MYLK3: variants seen among roughly 807,000 people sequenced by gnomAD.
The protein encoded by MYLK3 is MLC kinase.
MYLK3 carries 55 observed loss-of-function variants against 76.3 expected under a neutral mutation model. The observed-to-expected ratio is 0.72, with a 90% CI of 0.58 to 0.90. MYLK3 has a LOEUF of 0.90. Ranked by LOEUF, MYLK3 falls within the 40% of genes least tolerant of loss-of-function variation. The pLI is 0.00. For synonymous variants in MYLK3, 416 were observed against 425.4 expected, an observed-to-expected ratio of 0.98 and a Z score of 0.27; for missense variants, 973 against 1,053.6, an observed-to-expected ratio of 0.92 and a Z score of 1.06.
chr16:46,709,786 G>T, intron 11 of MYLK3, 115 bp from the exon 12 acceptor site: 1 of 1,216,908 alleles, frequency 8.2e-7, no homozygotes, highest in African/African-American at 1.5e-5. Context: ...CATTTAGGCA[G>T]ATTCATGCCA....
intron 1 of MYLK3, among the ~76,000 whole-genome samples, chr16:46,759,092 G>A (rs988233305): frequency 1.3e-5 from 2 of 152,218 alleles, no homozygotes; most frequent in Non-Finnish European, 2.9e-5. Context: ...GGCAGCCTCA[G>A]GGAAACCTGG....
intron 1 of MYLK3, among the ~76,000 whole-genome samples, chr16:46,760,151 C>G (rs1348115604): frequency 6.6e-6 from 1 of 152,188 alleles, no homozygotes; most frequent in Non-Finnish European, 1.5e-5. Context: ...ACCACTGCCC[C>G]ATTTCACTCG....
chr16:46,716,551 T>G (rs1223211510), intron 9 of MYLK3, among the ~76,000 whole-genome samples: 1 of 151,284 alleles, frequency 6.6e-6, no homozygotes, highest in Non-Finnish European at 1.5e-5. Context: ...ATTCCTGGCT[T>G]CTAACTTGCA....
At chr16:46,731,688 A>T (rs997375145) in intron 4 of MYLK3, among the ~76,000 whole-genome samples, 1 of 152,190 alleles carries the variant, frequency 6.6e-6, no homozygotes, top group Non-Finnish European at 1.5e-5. Context: ...AATGGCTGAC[A>T]GTGGTCACAG....
At position 46,748,111 on chromosome 16, in the gene MYLK3, T is replaced by G; in HGVS notation, c.83A>C (p.Lys28Thr). ...GKTCLTTMDTKLNMLNEKVDQ... is the reference protein window; with the variant it reads ...GKTCLTTMDTTLNMLNEKVDQ... ...CACCTTCTCGTTCAGCATGTTCAGC[T>G]TTGTGTCCATGGTTGTTAAGCAGGT... The change falls in exon 1 of 13, where the codon AAG (lysine) becomes ACG (threonine). Residue 28 changes from lysine to threonine, a missense_variant. By Grantham distance (78) the Lys-to-Thr change is moderately conservative. Around this residue, in one of 2 missense-constraint regions of MYLK3, gnomAD observed 641 missense variants for 637.0 expected, o/e 1.01. Transcript: ENST00000394809. The surrounding 1 kb of genome is among the most constrained non-coding windows in gnomAD (Gnocchi z 4.3). The G allele has an allele frequency of 6.2e-7, 1 of 1,614,248 alleles. No homozygotes were observed. The highest frequency in any genetic ancestry group is 8.5e-7 in the Non-Finnish European group (1 of 1,180,042).
At chr16:46,732,743 C>A (rs1392971953) in intron 3 of MYLK3, 75 bp from the exon 4 acceptor site, 1 of 1,164,698 alleles carries the variant, frequency 8.6e-7, no homozygotes, top group Non-Finnish European at 1.2e-6. Context: ...GGTTCCAATG[C>A]CCACTGCTGC....
At chr16:46,734,155 C>T (rs1325908839) in intron 3 of MYLK3, among the ~76,000 whole-genome samples, 1 of 152,168 alleles carries the variant, frequency 6.6e-6, no homozygotes, top group Non-Finnish European at 1.5e-5. Flanking sequence ...GTGGAAGCAA[C>T]CCAAATGCCC....
At position 46,742,745 on chromosome 16, in the gene MYLK3, G is replaced by A. The variant is rs150560747; in HGVS notation, c.478-2598C>T. ...GGAGAACACACAGCCCAGCACCGGCGTGGGGGAGGCACTTCATCAAAACTG... is the reference window on the plus strand; with the variant it reads ...GGAGAACACACAGCCCAGCACCGGCATGGGGGAGGCACTTCATCAAAACTG... On this transcript the variant is annotated intron_variant, in intron 1 of 12. Transcript: ENST00000394809. Among the ~76,000 whole-genome samples the A allele has an allele frequency of 1.2e-4, 19 of 152,322 alleles. No individual in the cohort carries two copies. The East Asian group carries it at 2.5e-3, about 20-fold the overall frequency.
chr16:46,735,713 C>T (rs1483725422), intron 3 of MYLK3, among the ~76,000 whole-genome samples: 3 of 152,180 alleles, frequency 2.0e-5, no homozygotes, highest in Non-Finnish European at 2.9e-5. Context: ...GGAAGTGTGG[C>T]ATCCATAGCA....
chr16:46,759,133 C>G (rs1010766980), intron 1 of MYLK3, among the ~76,000 whole-genome samples: 4 of 152,214 alleles, frequency 2.6e-5, no homozygotes, highest in African/African-American at 9.6e-5. Context: ...ACTGGCTCTC[C>G]GGTGCCACTG....
At position 46,747,802 on chromosome 16, in the gene MYLK3, G is replaced by C. The variant is rs565297078; in HGVS notation, c.392C>G (p.Thr131Arg). The C allele has an allele frequency of 6.2e-7, 1 of 1,614,104 alleles. No homozygotes were observed. Among genetic ancestry groups the C allele is most frequent in the Admixed American group, 1.7e-5 (1 of 60,012 alleles). ...VDRAIALVGA[T>R]FQKSKVADFL... ...ATCCGCCACCTTTGATTTCTGGAAC[G>C]TGGCCCCCACCAAAGCGATGGCCCT... The change falls in exon 1 of 13, where the codon ACG becomes AGG. Residue 131 changes from threonine (T) to arginine (R), a missense_variant. By Grantham distance (71) the Thr-to-Arg change is moderately conservative. Around this residue, in one of 2 missense-constraint regions of MYLK3, gnomAD observed 641 missense variants for 637.0 expected, o/e 1.01. Transcript: ENST00000394809.
chr16:46,748,304 A>T lies in MYLK3; in HGVS notation c.-111T>A. The T allele has an allele frequency of 6.9e-7, 1 of 1,446,568 alleles. No individual in the cohort carries two copies. The highest frequency in any genetic ancestry group is 1.4e-5 in the African/African-American group (1 of 70,282). The allele number at this position is 1,446,568 out of a possible 1,614,324, so 89.6% of individuals were successfully genotyped here. Reference sequence around the variant, plus strand: ...GGTCATTGTCCTCCGTAGCTGACAGACTCCTGGCAGCACCAACCTCCACGA... The same window carrying T: ...GGTCATTGTCCTCCGTAGCTGACAGTCTCCTGGCAGCACCAACCTCCACGA... On this transcript the variant is annotated 5_prime_UTR_variant, in exon 1 of 13. Transcript: ENST00000394809. This position sits in a 1 kb window ranked among gnomAD's most constrained non-coding sequence, Gnocchi z 4.3.
At chr16:46,760,395 G>C (rs567840658) in intron 1 of MYLK3, among the ~76,000 whole-genome samples, 2 of 152,212 alleles carry the variant, frequency 1.3e-5, no homozygotes, top group African/African-American at 4.8e-5. Flanking sequence ...CCGTGGGCAG[G>C]CCCTGTGCTC....
chr16:46,734,680 A>C (rs1966860372), intron 3 of MYLK3, among the ~76,000 whole-genome samples: 1 of 152,062 alleles, frequency 6.6e-6, no homozygotes, highest in Non-Finnish European at 1.5e-5. Context: ...ACCCTCAAAT[A>C]CTCAGATTCA....
rs747490428 is a variant in MYLK3, at chr16:46,729,041, G to A, written c.1755C>T (p.Cys585=). 1.9e-6 allele frequency: 3 copies of A among 1,613,970 alleles called. No individual in the cohort carries two copies. Among genetic ancestry groups the A allele is most frequent in the South Asian group, 2.2e-5 (2 of 91,076 alleles). Residue 585 remains cysteine, a synonymous_variant, in exon 7 of 13, where the codon TGC becomes TGT. Coordinates refer to ENST00000394809, the MANE Select transcript of MYLK3 (RefSeq NM_182493.3). ...ATACTCACTACTCCATGACAAGGGTGCAGCTGTGCTTGCTCTCGAAGGCGT... is the reference window on the plus strand; with the variant it reads ...ATACTCACTACTCCATGACAAGGGTACAGCTGTGCTTGCTCTCGAAGGCGT... The part of the protein sequence containing the change: ...LYDAFESKHS[C]TLVMEYVDGG...
chr16:46,717,881 T>C (rs1244168104), intron 9 of MYLK3, among the ~76,000 whole-genome samples: 2 of 152,202 alleles, frequency 1.3e-5, no homozygotes, highest in African/African-American at 2.4e-5. Context: ...TTCAGGGGTG[T>C]CCAATAATTG....
intron 1 of MYLK3, 72 bp from the exon 2 acceptor site, chr16:46,740,219 G>A (rs1966906969): frequency 1.6e-6 from 2 of 1,218,346 alleles, no homozygotes; most frequent in Non-Finnish European, 2.4e-6. Context: ...CATTTGTTTA[G>A]CACCTCCCCC....
chr16:46,742,493 G>GA (rs1298936722), intron 1 of MYLK3, among the ~76,000 whole-genome samples: 1 of 78,954 alleles, frequency 1.3e-5, no homozygotes, highest in Admixed American at 1.2e-4. Flanking sequence ...CACACACACA[G>GA]AAAAAAACCT....
chr16:46,754,019 TAA>T (rs1967165280), intron 1 of MYLK3, among the ~76,000 whole-genome samples: 1 of 152,212 alleles, frequency 6.6e-6, no homozygotes, highest in African/African-American at 2.4e-5. Context: ...AACTGTAGAA[TAA>T]AAGAGAGGCC....
Sources: allele counts gnomAD v4.1 joint callset (sites outside exome capture counted in the v4.1 genomes callset), GRCh38; gene constraint gnomAD v4.1.1; regional missense constraint gnomAD v4.1.1; non-coding constraint Gnocchi (gnomAD v3.1); transcripts MANE v1.5; gene names NCBI Gene and HGNC (gene_info 2026-07-23, HGNC 2026-07-21).